SPTBN1: variants seen among roughly 807,000 people sequenced by gnomAD.
SPTBN1 encodes spectrin beta chain, non-erythrocytic 1.
A neutral mutation model predicts 266.4 loss-of-function variants in SPTBN1; 32 were observed. That is an observed-to-expected ratio of 0.12 (90% CI 0.09 to 0.16). SPTBN1 has a LOEUF of 0.16. SPTBN1 is among the 10% of genes least tolerant of loss of function. SPTBN1 has a pLI of 1.00. For synonymous variants in SPTBN1, 1,336 were observed against 1,162.2 expected (o/e 1.15, Z -3.04); for missense variants, 2,296 against 3,067.1 (o/e 0.75, Z 5.94).
In SPTBN1 at chr2:54,670,880, T is replaced by G; in HGVS notation, c.*2311T>G. 1 of 398,476 alleles carries G rather than the reference T, an allele frequency of 2.5e-6. No homozygotes were observed. The allele number at this position is 398,476 out of a possible 1,614,324, so 24.7% of individuals were successfully genotyped here. A position where few individuals can be genotyped will look rare whatever the true frequency, so the allele number is the denominator to read the frequency against. On this transcript the variant is annotated 3_prime_UTR_variant, in exon 36 of 36. Coordinates refer to ENST00000356805, the MANE Select transcript of SPTBN1 (RefSeq NM_003128.3). ...GCGTCAGAAGACCCCAGTCAAGACG[T>G]GTTCGCCATCAGAGGTTACAGGCCG...
Position 54,631,407 on chromosome 2 carries a change from G to C in SPTBN1, c.3360G>C (p.Lys1120Asn). ...ACAACTACGAGGAGGACTACCAGAA[G>C]ATGAGGGACATGGGCGAGATGGTCA... ...EIDNYEEDYQ[K>N]MRDMGEMVTQ... The change falls in exon 16 of 36, where the codon AAG becomes AAC. Residue 1120 changes from lysine to asparagine, a missense_variant. By Grantham distance (94) the Lys-to-Asn change is moderately conservative. Transcript: ENST00000356805. 1 of 1,614,284 alleles carries C rather than the reference G, an allele frequency of 6.2e-7. No homozygotes were observed. The highest frequency in any genetic ancestry group is 8.5e-7 in the Non-Finnish European group (1 of 1,180,052).
intron 19 of SPTBN1, 138 bp downstream of exon 19, chr2:54,643,267 C>G (rs771333901): frequency 4.2e-5 from 54 of 1,291,792 alleles, no homozygotes; most frequent in Non-Finnish European, 5.6e-5. Context: ...TAATAGCTCC[C>G]TTTGCACGTA....
chr2:54,542,118 T>C (rs1302525574), intron 2 of SPTBN1, among the ~76,000 whole-genome samples: 1 of 152,262 alleles, frequency 6.6e-6, no homozygotes, highest in Non-Finnish European at 1.5e-5. Flanking sequence ...GAGTAAAATA[T>C]TTGAGTACTT....
rs2228366 is a variant in SPTBN1 at position 54,626,060 on chromosome 2, C to T, written c.1470C>T (p.Ala490=). 1.9e-3 allele frequency: 3,088 copies of T among 1,614,054 alleles called. 61 individuals carry two copies. In the African/African-American group the frequency reaches 0.036, roughly 19 times the overall value. Residue 490 remains alanine, a synonymous_variant, in exon 12 of 36, where the codon GCC becomes GCT. Coordinates refer to ENST00000356805, the MANE Select transcript of SPTBN1 (RefSeq NM_003128.3). This position sits in a 1 kb window ranked among gnomAD's most constrained non-coding sequence, Gnocchi z 4.7. ...AVVAVARELE[A]ENYHDIKRIT... is the part of the protein sequence containing the mutation. ...TAGCCGTGGCCAGGGAGCTCGAGGCCGAGAATTACCACGACATCAAGCGCA... is the reference window on the plus strand; with the variant it reads ...TAGCCGTGGCCAGGGAGCTCGAGGCTGAGAATTACCACGACATCAAGCGCA...
intron 30 of SPTBN1, among the ~76,000 whole-genome samples, chr2:54,658,930 A>G (rs1456450767): frequency 6.6e-6 from 1 of 152,202 alleles, no homozygotes; most frequent in African/African-American, 2.4e-5. Flanking sequence ...CAAACAACTC[A>G]CAGGAATTTT....
intron 3 of SPTBN1, among the ~76,000 whole-genome samples, chr2:54,600,989 C>T (rs1676463881): frequency 6.6e-6 from 1 of 151,910 alleles, no homozygotes; most frequent in Non-Finnish European, 1.5e-5. Context: ...TTTTTCTGAA[C>T]AGGGCAAGAA....
At chr2:54,514,254 C>T (rs960800482) in intron 1 of SPTBN1, among the ~76,000 whole-genome samples, 1 of 152,024 alleles carries the variant, frequency 6.6e-6, no homozygotes, top group Non-Finnish European at 1.5e-5. Context: ...GTTCTTAAAC[C>T]GTGGTGATGA....
Position 54,554,517 on chromosome 2 carries a change from T to C in SPTBN1, c.148+27951T>C, listed in dbSNP as rs1277983527. ...TGGGACTGCAGTTAGAAGTGGGACC[T>C]AAGCAGGGTGAACCCAAATCACTAA... On this transcript the variant is annotated intron_variant, in intron 2 of 35. Coordinates refer to ENST00000356805, the MANE Select transcript of SPTBN1 (RefSeq NM_003128.3). The surrounding 1 kb of genome is among the most constrained non-coding windows in gnomAD (Gnocchi z 4.5). Among the ~76,000 whole-genome samples the C allele has an allele frequency of 3.3e-5, 5 of 152,230 alleles. No homozygotes were observed. In the East Asian group the frequency reaches 9.6e-4, roughly 29 times the overall value.
chr2:54,594,153 G>A (rs1009854077), intron 2 of SPTBN1, among the ~76,000 whole-genome samples: 7 of 152,022 alleles, frequency 4.6e-5, no homozygotes, highest in South Asian at 2.1e-4. Context: ...AATGTTGTGC[G>A]TGAGGCATTA....
chr2:54,606,798 G>A (rs76474083), intron 3 of SPTBN1, among the ~76,000 whole-genome samples: 1,634 of 152,332 alleles, frequency 0.011, 19 homozygotes, highest in Non-Finnish European at 0.019. Flanking sequence ...TCCCTTTCTC[G>A]GATAGGAGCG....
rs921985537 is a variant in SPTBN1, at chr2:54,670,238, G to A, written c.*1669G>A. 1 of 154,556 alleles carries A rather than the reference G, an allele frequency of 6.5e-6. No homozygotes were observed. The highest frequency in any genetic ancestry group is 1.4e-5 in the Non-Finnish European group (1 of 69,816). The allele number at this position is 154,556 out of a possible 1,614,324, so 9.6% of individuals were successfully genotyped here. A position where few individuals can be genotyped will look rare whatever the true frequency, so the allele number is the denominator to read the frequency against. ...AAAAAAAAAACAGGCAAGAGGTTAG[G>A]TTTGGCCCATGGGCCATAGTTTGCT... On this transcript the variant is annotated 3_prime_UTR_variant, in exon 36 of 36. Transcript: ENST00000356805.
rs191987902 is a variant in SPTBN1 at position 54,487,967 on chromosome 2, C to G, written c.-48+31449C>G. On this transcript the variant is annotated intron_variant, in intron 1 of 35. Coordinates refer to ENST00000356805, the MANE Select transcript of SPTBN1 (RefSeq NM_003128.3). The stretch of plus-strand genomic sequence containing the variant: ...GCCTCAGCCTCCCAAGTAGCTGGGA[C>G]TATAGGCGCCTGCCACCACACCCGG... Among the ~76,000 whole-genome samples the G allele has an allele frequency of 1.4e-3, 213 of 151,452 alleles. 1 individual carries two copies. Among genetic ancestry groups the G allele is most frequent in the Admixed American group, 6.1e-3 (93 of 15,190 alleles).
At chr2:54,463,206 T>A (rs1693457128) in intron 1 of SPTBN1, among the ~76,000 whole-genome samples, 1 of 152,122 alleles carries the variant, frequency 6.6e-6, no homozygotes, top group African/African-American at 2.4e-5. Flanking sequence ...GTAGGGTAAA[T>A]GGATGGCAGG....
At chr2:54,663,311 T>C (rs1172980251) in intron 32 of SPTBN1, 1 of 152,200 alleles carries the variant, frequency 6.6e-6, no homozygotes, top group East Asian at 1.9e-4. Flanking sequence ...CATTGACTTC[T>C]CCATGTTTGT....
chr2:54,489,173 A>C (rs896329953), intron 1 of SPTBN1, among the ~76,000 whole-genome samples: 4 of 138,058 alleles, frequency 2.9e-5, no homozygotes, highest in Non-Finnish European at 6.5e-5. Context: ...AAAAAAAAAA[A>C]AACCAGGCAT....
chr2:54,492,445 A>C (rs1002579756), intron 1 of SPTBN1, among the ~76,000 whole-genome samples: 4 of 151,190 alleles, frequency 2.6e-5, no homozygotes, highest in Admixed American at 2.6e-4. Context: ...AGATCCCTGA[A>C]AGTGGATTTG....
At chr2:54,601,000 A>T (rs911488242) in intron 3 of SPTBN1, among the ~76,000 whole-genome samples, 7 of 152,144 alleles carry the variant, frequency 4.6e-5, no homozygotes, top group Non-Finnish European at 8.8e-5. Flanking sequence ...AGGGCAAGAA[A>T]AATATAAGTA....
At chr2:54,498,972 C>T (rs1253094826) in intron 1 of SPTBN1, among the ~76,000 whole-genome samples, 2 of 52,850 alleles carry the variant, frequency 3.8e-5, no homozygotes, top group Non-Finnish European at 6.6e-5. Context: ...GACGGAGAAA[C>T]CCAGGAGACT....
chr2:54,529,680 C>T (rs766439851), intron 2 of SPTBN1: 14 of 720,234 alleles, frequency 1.9e-5, no homozygotes, highest in African/African-American at 1.6e-4. Context: ...ATCAAACAGG[C>T]TGTGAAGAAG....
Sources: allele counts gnomAD v4.1 joint callset (sites outside exome capture counted in the v4.1 genomes callset), GRCh38; gene constraint gnomAD v4.1.1; non-coding constraint Gnocchi (gnomAD v3.1); transcripts MANE v1.5; gene names NCBI Gene and HGNC (gene_info 2026-07-23, HGNC 2026-07-21).